Variants in IRAK1BP1 observed in about 807,000 individuals in gnomAD.
The protein encoded by IRAK1BP1 is interleukin-1 receptor-associated kinase 1-binding protein 1.
IRAK1BP1 carries 24 observed loss-of-function variants against 28.0 expected under a neutral mutation model. The observed-to-expected ratio is 0.86, with a 90% confidence interval of 0.62 to 1.20. IRAK1BP1 has a LOEUF of 1.20. Among genes scored for constraint, IRAK1BP1 ranks in the 50% most tolerant of loss-of-function variants. IRAK1BP1 has a pLI of 0.00. For missense variants in IRAK1BP1, 336 were observed against 316.7 expected, an observed-to-expected ratio of 1.06 and a Z score of -0.46; for synonymous variants, 131 against 116.3, an observed-to-expected ratio of 1.13 and a Z score of -0.81.
the IRAK1BP1 span, chr6:78,970,255 T>A: frequency 8.1e-7 from 1 of 1,235,624 alleles, no homozygotes; most frequent in Non-Finnish European, 1.1e-6. Context: ...GAGAAAAAAC[T>A]TCTTGGTTTA....
intron 4 of IRAK1BP1, among the ~76,000 whole-genome samples, chr6:78,925,867 G>A (rs1391302249): frequency 6.6e-6 from 1 of 152,086 alleles, no homozygotes; most frequent in South Asian, 2.1e-4. Context: ...CCATAATAAA[G>A]AACAAAATTA....
chr6:78,923,127 G>C (rs1772787415), intron 4 of IRAK1BP1, among the ~76,000 whole-genome samples: 1 of 152,080 alleles, frequency 6.6e-6, no homozygotes, highest in Non-Finnish European at 1.5e-5. Context: ...GCACAGACTG[G>C]CAAATTGGAT....
rs185083230 is a variant in IRAK1BP1 at position 78,943,061 on chromosome 6, C to T, written c.*68-2347C>T. 6.4e-4 allele frequency among the ~76,000 whole-genome samples: 97 copies of T among 152,174 alleles called. 1 individual carries two copies. The South Asian group carries it at 8.1e-3, about 13-fold the overall frequency. ...TCAATTTAAATACCAAAGCAGTATA[C>T]ATTTTAAAATACTGATTAAATACTG... On this transcript the variant is annotated intron_variant and NMD_transcript_variant, in intron 4 of 4. Transcript: ENST00000606868.
intron 1 of IRAK1BP1, chr6:78,871,213 C>T: frequency 2.5e-5 from 24 of 957,886 alleles, no homozygotes; most frequent in Non-Finnish European, 3.0e-5. Context: ...CCTTTATTTT[C>T]TTCTCTCTCC....
rs1407868399 is a variant in IRAK1BP1, at chr6:78,867,924, G to A, written c.315+33G>A. The A allele has an allele frequency of 4.0e-6, 6 of 1,518,158 alleles. No individual in the cohort carries two copies. The East Asian group carries it at 7.3e-5, about 18-fold the overall frequency. 94.0% of individuals were successfully genotyped at this position (1,518,158 alleles called of 1,614,324 possible). A position where few individuals can be genotyped will look rare whatever the true frequency, so the allele number is the denominator to read the frequency against. Reference sequence around the variant, plus strand: ...CTCCGCGGGGGAGGAAATAAGAGCCGGAAGACACAAAAGGGTTGGCAGATG... The same window carrying A: ...CTCCGCGGGGGAGGAAATAAGAGCCAGAAGACACAAAAGGGTTGGCAGATG... On this transcript the variant is annotated intron_variant, in intron 1 of 3. Coordinates refer to ENST00000369940, the MANE Select transcript of IRAK1BP1 (RefSeq NM_001010844.4).
chr6:78,876,099 AG>A (rs528727880), intron 1 of IRAK1BP1, among the ~76,000 whole-genome samples: 97 of 152,060 alleles, frequency 6.4e-4, no homozygotes, highest in Middle Eastern at 3.4e-3. Flanking sequence ...CTATGTGTCA[AG>A]GGGGGGATCT....
At chr6:78,946,340 A>C in exon 5 of IRAK1BP1, 1 of 1,451,328 alleles carries the variant, frequency 6.9e-7, no homozygotes, top group African/African-American at 1.4e-5. Flanking sequence ...TTTTGGATTC[A>C]ATATTTGTAC....
the IRAK1BP1 span, among the ~76,000 whole-genome samples, chr6:78,959,312 T>C: frequency 6.6e-6 from 1 of 152,058 alleles, no homozygotes; most frequent in Non-Finnish European, 1.5e-5. Flanking sequence ...AATACAATCA[T>C]ATGGAATAAC....
the IRAK1BP1 span, chr6:78,969,779 T>C: frequency 2.5e-6 from 2 of 792,390 alleles, no homozygotes; most frequent in South Asian, 1.9e-5. Flanking sequence ...AGTAAATCAC[T>C]TACTAAGAAA....
rs189982376 is a variant in IRAK1BP1, at chr6:78,908,177, A to C, written c.*67+5067A>C. Among the ~76,000 whole-genome samples the C allele has an allele frequency of 3.1e-3, 473 of 151,450 alleles. 3 individuals are homozygous for C. The highest frequency in any genetic ancestry group is 0.011 in the African/African-American group (439 of 41,240). ...GCAATTCTCCTGCCTCAGCCTCCCG[A>C]GTAGCTGGGAATACAGGTGCCCGCC... is the stretch of plus-strand genomic sequence containing the variant. On this transcript the variant is annotated intron_variant and NMD_transcript_variant, in intron 4 of 4. Coordinates refer to the IRAK1BP1 transcript ENST00000606868.
At chr6:78,973,653 C>T in the IRAK1BP1 span, among the ~76,000 whole-genome samples, 2 of 146,540 alleles carry the variant, frequency 1.4e-5, no homozygotes, top group South Asian at 2.3e-4. Flanking sequence ...CAGAGACACA[C>T]ATAGGCTCAA....
intron 4 of IRAK1BP1, among the ~76,000 whole-genome samples, chr6:78,917,632 TAAAA>T (rs35313944): frequency 1.7e-4 from 11 of 63,690 alleles, no homozygotes; most frequent in Non-Finnish European, 2.9e-4. Context: ...AAGTCAACAC[TAAAA>T]AAAAAAAAAA....
chr6:78,897,525 A>G (rs535276718), intron 2 of IRAK1BP1, among the ~76,000 whole-genome samples: 132 of 152,304 alleles, frequency 8.7e-4, no homozygotes, highest in Non-Finnish European at 1.3e-3. Context: ...GCTAGTTATC[A>G]GGATTAAAAT....
At chr6:78,913,076 C>T (rs1174361140) in intron 4 of IRAK1BP1, among the ~76,000 whole-genome samples, 1 of 152,196 alleles carries the variant, frequency 6.6e-6, no homozygotes, top group Non-Finnish European at 1.5e-5. Context: ...TAGCTCACGC[C>T]TGTAATCCCA....
intron 4 of IRAK1BP1, among the ~76,000 whole-genome samples, chr6:78,923,049 A>G (rs1466498895): frequency 6.6e-6 from 1 of 152,214 alleles, no homozygotes; most frequent in East Asian, 1.9e-4. Flanking sequence ...CATCATAATG[A>G]CAGGATCAAA....
At chr6:78,937,484 G>A (rs1773318983) in intron 4 of IRAK1BP1, 1 of 151,672 alleles carries the variant, frequency 6.6e-6, no homozygotes, top group Admixed American at 6.6e-5. Flanking sequence ...TATTTTCTCT[G>A]ATTACTGTAT....
At chr6:78,869,041 T>G (rs1017499681) in intron 1 of IRAK1BP1, among the ~76,000 whole-genome samples, 1 of 152,220 alleles carries the variant, frequency 6.6e-6, no homozygotes, top group Non-Finnish European at 1.5e-5. Flanking sequence ...TTGGACAAGA[T>G]TTCTTCAAAT....
At chr6:78,878,106 G>A (rs1771079201) in intron 1 of IRAK1BP1, among the ~76,000 whole-genome samples, 1 of 152,156 alleles carries the variant, frequency 6.6e-6, no homozygotes, top group Admixed American at 6.5e-5. Context: ...AACTTCTGCA[G>A]ACTTAAATGT....
downstream of IRAK1BP1, among the ~76,000 whole-genome samples, chr6:78,905,669 T>A (rs1039114852): frequency 9.2e-5 from 14 of 152,178 alleles, no homozygotes; most frequent in Non-Finnish European, 1.6e-4. Flanking sequence ...TGGTGCGATC[T>A]CGGCTCACTG....
Sources: gnomAD v4.1 joint callset for allele counts (sites outside exome capture counted in the v4.1 genomes callset) on GRCh38, gnomAD v4.1.1 for gene constraint, MANE v1.5 for transcripts, NCBI Gene and HGNC (gene_info 2026-07-23, HGNC 2026-07-21) for gene names.